The following EGFL7 variants were observed in gnomAD, a reference collection of about 807,000 sequenced individuals.
EGFL7 encodes the protein epidermal growth factor-like protein 7.
A neutral mutation model predicts 37.1 loss-of-function variants in EGFL7; 48 were observed. The observed-to-expected ratio is 1.29, with a 90% CI of 1.03 to 1.65. EGFL7 has a LOEUF of 1.65. EGFL7 is among the 40% of genes most tolerant of loss of function. The pLI is 0.00. For synonymous variants in EGFL7, 180 were observed against 156.8 expected (o/e 1.15, Z -1.10); for missense variants, 384 against 378.9 (o/e 1.01, Z -0.11).
rs759557791 is a variant in EGFL7, at chr9:136,672,265, C to A, written c.801C>A (p.Cys267Ter). The A allele has an allele frequency of 8.7e-6, 14 of 1,613,432 alleles. No homozygotes were observed. The South Asian group carries it at 1.5e-4, about 18-fold the overall frequency. ...ISFLEEQLGS[C>*]SCKKDS is the part of the protein sequence containing the mutation. ...GACCTTCGCCTCATCCAACCCTAGG[C>A]TCCTGCAAGAAAGACTCGTGACTGC... Residue 267 changes from cysteine to a stop codon, truncating the protein, a stop_gained and splice_region_variant, in exon 11 of 11, where the codon TGC becomes TGA. Transcript: ENST00000308874. LOFTEE classifies it high-confidence loss of function.
chr9:136,671,848 C>T, intron 9 of EGFL7, 78 bp from the exon 10 acceptor site: 2 of 1,420,444 alleles, frequency 1.4e-6, no homozygotes, highest in Non-Finnish European at 1.8e-6. Flanking sequence ...GGAGCCCTTC[C>T]CAGGGGTCCT....
upstream of EGFL7, among the ~76,000 whole-genome samples, chr9:136,662,727 C>T (rs1400917160): frequency 1.3e-5 from 2 of 152,114 alleles, no homozygotes; most frequent in East Asian, 3.9e-4. Flanking sequence ...GGGACGGCTT[C>T]CCCACCCCTG....
intron 2 of EGFL7, 64 bp from the exon 3 acceptor site, chr9:136,664,626 AGC>A (rs1222456833): frequency 5.9e-5 from 9 of 153,436 alleles, no homozygotes; most frequent in African/African-American, 1.7e-4. Context: ...GCCCCTTCCC[AGC>A]CCCCAGACAT....
In EGFL7 at chr9:136,669,588, G is replaced by A. The variant is rs1394027029; in HGVS notation, c.198-18G>A. 1 of 1,593,054 alleles carries A rather than the reference G, an allele frequency of 6.3e-7. No homozygotes were observed. Among genetic ancestry groups the A allele is most frequent in the South Asian group, 1.1e-5 (1 of 89,272 alleles). On this transcript the variant is annotated intron_variant, in intron 5 of 10. Transcript: ENST00000308874. ...GGGGAGTAGGATGCCCCTCTGAGCT[G>A]TCCCACCCACCCCACAGAACCATCT...
upstream of EGFL7, among the ~76,000 whole-genome samples, chr9:136,660,066 G>A (rs1266045964): frequency 2.0e-5 from 3 of 152,316 alleles, no homozygotes; most frequent in Admixed American, 6.5e-5. Context: ...CCACCAGAGC[G>A]GCCAGGGCAG....
intron 7 of EGFL7, 79 bp downstream of exon 7, chr9:136,670,088 A>G: frequency 6.2e-7 from 1 of 1,605,068 alleles, no homozygotes; most frequent in South Asian, 1.1e-5. Context: ...CTGCTGGCCC[A>G]TGAGTGGGTG....
chr9:136,668,407 G>A (rs750419885), intron 4 of EGFL7, 45 bp downstream of exon 4: 1 of 1,537,100 alleles, frequency 6.5e-7, no homozygotes, highest in East Asian at 2.3e-5. Flanking sequence ...GGGGGACCGG[G>A]AGCCCTCAGC....
At position 136,669,726 on chromosome 9, in the gene EGFL7, G is replaced by A; in HGVS notation, c.313+5G>A. On this transcript the variant is annotated splice_donor_5th_base_variant and intron_variant, in intron 6 of 10. Transcript: ENST00000308874. ...TTCCTGGGGCCTGTGGAGCAGGTGA[G>A]GGCTATGTCCCTCGGCGCCCGGTGT... 8 of 1,577,738 alleles carry A rather than the reference G, an allele frequency of 5.1e-6. No homozygotes were observed. Among genetic ancestry groups the A allele is most frequent in the Non-Finnish European group, 6.9e-6 (8 of 1,160,256 alleles).
Position 136,672,085 on chromosome 9 carries a change from T to C in EGFL7, c.796T>C (p.Ser266Pro). The C allele has an allele frequency of 1.3e-6, 2 of 1,546,382 alleles. No individual in the cohort carries two copies. The highest frequency in any genetic ancestry group is 1.7e-6 in the Non-Finnish European group (2 of 1,146,338). The change falls in exon 10 of 11, where the codon TCC (serine) becomes CCC (proline). Residue 266 changes from serine to proline, a missense_variant. Physicochemically the swap from Ser to Pro is moderately conservative, Grantham distance 74. Transcript: ENST00000308874. ...TTCCTTCCTGGAGGAGCAGCTGGGG[T>C]CCTGTGAGTGCCCCCACCCTCCAGA... ...QISFLEEQLG[S>P]CSCKKDS
chr9:136,664,191 C>T (rs937348129), intron 2 of EGFL7, among the ~76,000 whole-genome samples: 2 of 152,334 alleles, frequency 1.3e-5, no homozygotes, highest in South Asian at 2.1e-4. Context: ...CTGCTCTGGT[C>T]GTCCCTTGGA....
chr9:136,671,802 G>T, intron 9 of EGFL7, 124 bp from the exon 10 acceptor site: 2 of 1,291,314 alleles, frequency 1.5e-6, no homozygotes, highest in Non-Finnish European at 2.0e-6. Context: ...GTGGACACTT[G>T]GAGCCCTGCC....
At chr9:136,659,121 G>C (rs1323773697), upstream of EGFL7, 2 of 152,254 alleles carry the variant, frequency 1.3e-5, no homozygotes, top group South Asian at 2.1e-4. Flanking sequence ...AGAGGGTGTC[G>C]CTCTGGGACG....
chr9:136,667,018 G>A (rs1298350422), intron 3 of EGFL7, among the ~76,000 whole-genome samples: 1 of 152,140 alleles, frequency 6.6e-6, no homozygotes, highest in African/African-American at 2.4e-5. Context: ...CAGAGGACTG[G>A]AGGCCCAGGA....
intron 2 of EGFL7, among the ~76,000 whole-genome samples, chr9:136,664,423 C>T (rs937314074): frequency 1.3e-5 from 2 of 152,218 alleles, no homozygotes; most frequent in Admixed American, 6.5e-5. Context: ...CAGCTCCACT[C>T]ACAGCAGCCT....
chr9:136,671,078 G>A, intron 9 of EGFL7, 64 bp downstream of exon 9: 1 of 1,325,118 alleles, frequency 7.5e-7, no homozygotes. Flanking sequence ...GAGGAGGTGA[G>A]GTGTGGAGGG....
chr9:136,664,958 A>C (rs1845368794), intron 3 of EGFL7, among the ~76,000 whole-genome samples, 173 bp downstream of exon 3: 1 of 152,250 alleles, frequency 6.6e-6, no homozygotes, highest in Non-Finnish European at 1.5e-5. Flanking sequence ...TTGTGTGGCC[A>C]CGACCTCACC....
chr9:136,669,464 C>T (rs2119132328), intron 5 of EGFL7, 142 bp from the exon 6 acceptor site: 1 of 630,642 alleles, frequency 1.6e-6, no homozygotes, highest in African/African-American at 1.8e-5. Context: ...GTGCAGTGAC[C>T]CCTCAGTGCC....
At chr9:136,667,047 C>T (rs1845523990) in intron 3 of EGFL7, among the ~76,000 whole-genome samples, 1 of 152,180 alleles carries the variant, frequency 6.6e-6, no homozygotes, top group South Asian at 2.1e-4. Context: ...CAGCCACCCT[C>T]CCCGCTGGGA....
At chr9:136,660,804 G>T (rs1177197346), upstream of EGFL7, among the ~76,000 whole-genome samples, 1 of 152,184 alleles carries the variant, frequency 6.6e-6, no homozygotes, top group Non-Finnish European at 1.5e-5. Flanking sequence ...CCAAGAAGAG[G>T]AAGGAAGGGT....
Sources: allele counts gnomAD v4.1 joint callset (sites outside exome capture counted in the v4.1 genomes callset), GRCh38; gene constraint gnomAD v4.1.1; transcripts MANE v1.5; gene names NCBI Gene and HGNC (gene_info 2026-07-23, HGNC 2026-07-21).